HSD11B1: variants seen among roughly 807,000 people sequenced by gnomAD.
HSD11B1 encodes hydroxysteroid 11-beta dehydrogenase 1.
HSD11B1 carries 15 observed loss-of-function variants against 22.1 expected under a neutral mutation model. The ratio of observed to expected loss-of-function variants is 0.68; its 90% CI spans 0.45 to 1.04. HSD11B1 has a LOEUF of 1.04. Among genes scored for constraint, HSD11B1 ranks in the 50% least tolerant of loss-of-function variants. The pLI, the probability that HSD11B1 is intolerant of heterozygous loss-of-function variation, is 0.00. For missense variants in HSD11B1, 281 were observed against 357.6 expected (o/e 0.79, Z 1.73); for synonymous variants, 122 against 125.2 (o/e 0.97, Z 0.17).
At chr1:209,690,867 A>G (rs2076755622) in intron 1 of HSD11B1, among the ~76,000 whole-genome samples, 1 of 152,166 alleles carries the variant, frequency 6.6e-6, no homozygotes, top group African/African-American at 2.4e-5. Flanking sequence ...TAAGAAGTCC[A>G]AAAAGAAAGC....
upstream of HSD11B1, among the ~76,000 whole-genome samples, chr1:209,703,478 T>C (rs2076836784): frequency 6.6e-6 from 1 of 152,220 alleles, no homozygotes; most frequent in African/African-American, 2.4e-5. Flanking sequence ...TCTCTTTTTG[T>C]CCTTCATAGA....
At position 209,696,047 on chromosome 1, in the gene HSD11B1, CAT is replaced by C. The variant is rs1342998327; in HGVS notation, c.-48-8847_-48-8846del. 9.9e-5 allele frequency among the ~76,000 whole-genome samples: 15 copies of C among 152,256 alleles called. No individual in the cohort carries two copies. The East Asian group carries it at 1.7e-3, about 18-fold the overall frequency. ...GAATATGATTTGTCAATAAATGACA[CAT>C]GTTACAATACGGAAGAATCTCAAAA... On this transcript the variant is annotated intron_variant, in intron 1 of 6. Coordinates refer to the HSD11B1 transcript ENST00000261465.
intron 4 of HSD11B1, among the ~76,000 whole-genome samples, chr1:209,721,745 G>T (rs990911825): frequency 6.6e-6 from 1 of 152,098 alleles, no homozygotes; most frequent in African/African-American, 2.4e-5. Context: ...CTCCTGGGCA[G>T]CCCCCATCCA....
At chr1:209,705,057 A>G in intron 1 of HSD11B1, 27 bp downstream of exon 1, 1 of 1,570,778 alleles carries the variant, frequency 6.4e-7, no homozygotes, top group Middle Eastern at 1.7e-4. Flanking sequence ...CTCATTTTGG[A>G]GGAATAGGTT....
At chr1:209,699,213 C>T (rs2076811415) in intron 1 of HSD11B1, among the ~76,000 whole-genome samples, 1 of 150,544 alleles carries the variant, frequency 6.6e-6, no homozygotes, top group Non-Finnish European at 1.5e-5. Context: ...TTCTGAGGAA[C>T]TGGGGTGAGA....
Position 209,734,674 on chromosome 1 carries a change from C to T in HSD11B1, c.*153C>T, listed in dbSNP as rs560347640. 2 of 666,330 alleles carry T rather than the reference C, an allele frequency of 3.0e-6. No homozygotes were observed. Among genetic ancestry groups the T allele is most frequent in the African/African-American group, 1.8e-5 (1 of 55,600 alleles). The allele number at this position is 666,330 out of a possible 1,614,324, so 41.3% of individuals were successfully genotyped here. On this transcript the variant is annotated 3_prime_UTR_variant, in exon 6 of 6. Transcript: ENST00000367027. ...TGACAAATGGAAGGAGTTCCTCTAA[C>T]ATTTGCAAAATGGAAATGTAATAAT...
intron 4 of HSD11B1, among the ~76,000 whole-genome samples, chr1:209,721,443 CT>C (rs2076966037): frequency 1.6e-5 from 2 of 125,932 alleles, no homozygotes; most frequent in African/African-American, 7.1e-5. Flanking sequence ...TGCAACTTTT[CT>C]TTAAGTTTGA....
intron 4 of HSD11B1, among the ~76,000 whole-genome samples, chr1:209,716,315 C>T (rs2076929647): frequency 6.6e-6 from 1 of 150,378 alleles, no homozygotes. Context: ...AAAAGAAAAA[C>T]CATTTACAAT....
At chr1:209,695,454 A>G (rs1243678949) in intron 1 of HSD11B1, among the ~76,000 whole-genome samples, 1 of 152,208 alleles carries the variant, frequency 6.6e-6, no homozygotes, top group Non-Finnish European at 1.5e-5. Flanking sequence ...ATTGAAATAG[A>G]GATCAATGGG....
chr1:209,721,354 G>A (rs183985082), intron 4 of HSD11B1, among the ~76,000 whole-genome samples: 29 of 151,538 alleles, frequency 1.9e-4, no homozygotes, highest in Admixed American at 1.8e-3. Context: ...TGGGACATGA[G>A]GTCAGCAATG....
At chr1:209,695,894 C>T (rs1415646802) in intron 1 of HSD11B1, among the ~76,000 whole-genome samples, 3 of 152,160 alleles carry the variant, frequency 2.0e-5, no homozygotes, top group South Asian at 2.1e-4. Context: ...TAAAAACATA[C>T]GTTCACACAA....
chr1:209,714,998 A>T (rs1558194026), intron 4 of HSD11B1, among the ~76,000 whole-genome samples: 1 of 152,214 alleles, frequency 6.6e-6, no homozygotes, highest in African/African-American at 2.4e-5. Flanking sequence ...AGCATCTGCA[A>T]GAGGGCCTGC....
upstream of HSD11B1, among the ~76,000 whole-genome samples, chr1:209,703,685 CT>C (rs1342565039): frequency 6.6e-6 from 1 of 152,120 alleles, no homozygotes; most frequent in Non-Finnish European, 1.5e-5. Flanking sequence ...TTCCCTTAAC[CT>C]TGTGTAAATT....
chr1:209,693,906 C>T (rs1162461172), intron 1 of HSD11B1, among the ~76,000 whole-genome samples: 1 of 152,136 alleles, frequency 6.6e-6, no homozygotes, highest in Non-Finnish European at 1.5e-5. Context: ...TCCAATGATT[C>T]CTTTATGCCA....
At chr1:209,732,002 T>C (rs759507808) in intron 4 of HSD11B1, among the ~76,000 whole-genome samples, 5 of 152,178 alleles carry the variant, frequency 3.3e-5, no homozygotes, top group Non-Finnish European at 7.3e-5. Context: ...CCACCACACC[T>C]GGCCAGGACA....
chr1:209,734,337 A>T lies in HSD11B1; in HGVS notation c.695A>T (p.His232Leu), dbSNP rs1423499419. Residue 232 changes from histidine to leucine, a missense_variant, in exon 6 of 6, where the codon CAT becomes CTT. Coordinates refer to ENST00000367027, the MANE Select transcript of HSD11B1 (RefSeq NM_005525.4). ...ATGAAGGCAGTTTCTGGGATAGTCC[A>T]TATGCAAGCAGCTCCAAAGGAGGAA... The part of the protein sequence containing the change: ...TAMKAVSGIV[H>L]MQAAPKEECA... 2.5e-6 allele frequency: 4 copies of T among 1,613,994 alleles called. No homozygotes were observed. Among genetic ancestry groups the T allele is most frequent in the Non-Finnish European group, 1.7e-6 (2 of 1,180,002 alleles).
chr1:209,700,932 A>C (rs545183092), upstream of HSD11B1, among the ~76,000 whole-genome samples: 218 of 152,312 alleles, frequency 1.4e-3, no homozygotes, highest in Middle Eastern at 6.8e-3. Flanking sequence ...CCTCATCTCT[A>C]TCTGAGATTA....
chr1:209,692,442 A>C (rs764588824), intron 1 of HSD11B1, among the ~76,000 whole-genome samples: 7 of 152,214 alleles, frequency 4.6e-5, no homozygotes, highest in South Asian at 4.1e-4. Flanking sequence ...TGACTGGTGG[A>C]TGGAAAATTT....
intron 4 of HSD11B1, among the ~76,000 whole-genome samples, chr1:209,725,123 G>A (rs1326493923): frequency 6.6e-6 from 1 of 152,130 alleles, no homozygotes; most frequent in Non-Finnish European, 1.5e-5. Flanking sequence ...AATACATGCT[G>A]TCTTACAGGC....
Sources: gnomAD v4.1 joint callset for allele counts (sites outside exome capture counted in the v4.1 genomes callset) on GRCh38, gnomAD v4.1.1 for gene constraint, MANE v1.5 for transcripts, NCBI Gene and HGNC (gene_info 2026-07-23, HGNC 2026-07-21) for gene names.